TNIK: variants seen among roughly 807,000 people sequenced by gnomAD.
TNIK encodes the protein TRAF2 and NCK interacting kinase, also known as TRAF2 and NCK-interacting protein kinase.
In TNIK, 49 loss-of-function variants were observed where a neutral mutation model predicts 191.3. The observed-to-expected ratio is 0.26, with a 90% confidence interval of 0.20 to 0.32. The LOEUF is 0.32. Among genes scored for constraint, TNIK ranks in the 10% least tolerant of loss-of-function variants. The pLI, the probability that TNIK is intolerant of heterozygous loss-of-function variation, is 1.00. For missense variants in TNIK, 1,155 were observed against 1,702.3 expected, an observed-to-expected ratio of 0.68 and a Z score of 5.66; for synonymous variants, 594 against 600.9, an observed-to-expected ratio of 0.99 and a Z score of 0.17.
intron 1 of TNIK, among the ~76,000 whole-genome samples, chr3:171,457,336 C>G (rs565769315): frequency 6.6e-5 from 10 of 152,292 alleles, no homozygotes; most frequent in African/African-American, 2.4e-4. Flanking sequence ...AAAGGCCTCT[C>G]TAGACAGGAT....
At chr3:171,190,004 T>TA (rs1156535508) in intron 6 of TNIK, among the ~76,000 whole-genome samples, 1 of 152,232 alleles carries the variant, frequency 6.6e-6, no homozygotes, top group African/African-American at 2.4e-5. Context: ...TACAATCATA[T>TA]GGACAGCGAT....
intron 1 of TNIK, among the ~76,000 whole-genome samples, chr3:171,417,423 C>A (rs1723229053): frequency 1.3e-5 from 2 of 152,158 alleles, no homozygotes; most frequent in African/African-American, 4.8e-5. Context: ...TCTCCCCATT[C>A]ATACTAAATG....
At chr3:171,143,963 G>A (rs369160709) in intron 12 of TNIK, among the ~76,000 whole-genome samples, 1 of 152,264 alleles carries the variant, frequency 6.6e-6, no homozygotes, top group East Asian at 1.9e-4. Flanking sequence ...TTAGAGAAAG[G>A]CATGAAAAAT....
chr3:171,083,915 T>C (rs530208071), intron 26 of TNIK, among the ~76,000 whole-genome samples: 2 of 152,300 alleles, frequency 1.3e-5, no homozygotes, highest in East Asian at 3.9e-4. Context: ...ATCACTATTG[T>C]GTGACAAGGT....
intron 7 of TNIK, among the ~76,000 whole-genome samples, chr3:171,188,274 C>T (rs374187964): frequency 9.8e-4 from 149 of 152,200 alleles, no homozygotes; most frequent in Non-Finnish European, 1.4e-3. Context: ...AATTATACTT[C>T]GAGCATTGTA....
chr3:171,061,466 A>G lies in TNIK; in HGVS notation c.*2415T>C, dbSNP rs544480022. On this transcript the variant is annotated 3_prime_UTR_variant, in exon 33 of 33. Transcript: ENST00000436636. ...TCTTATGATTTGTTTCAATGACTCT[A>G]GATTTTAAAAAATACATTCACAAAC... 2 of 152,366 alleles carry G rather than the reference A, an allele frequency of 1.3e-5. No individual in the cohort carries two copies. The highest frequency in any genetic ancestry group is 4.1e-4 in the South Asian group (2 of 4,828). 9.4% of individuals were successfully genotyped at this position (152,366 alleles called of 1,614,324 possible).
intron 2 of TNIK, among the ~76,000 whole-genome samples, chr3:171,319,408 T>A (rs16856157): frequency 0.047 from 7,181 of 152,160 alleles, 531 homozygotes; most frequent in African/African-American, 0.16. Flanking sequence ...AAAGAGTGTT[T>A]TTCCCCTTAC....
rs1257639293 is a variant in TNIK, at chr3:171,264,111, C to CACACAT, written c.124-35891_124-35890insATGTGT. 2.0e-3 allele frequency among the ~76,000 whole-genome samples: 121 copies of CACACAT among 61,000 alleles called. 1 individual carries two copies. Among genetic ancestry groups the CACACAT allele is most frequent in the Admixed American group, 6.1e-3 (43 of 7,046 alleles). The allele number at this position is 61,000 out of a possible 152,430, so 40.0% of individuals were successfully genotyped here. A position where few individuals can be genotyped will look rare whatever the true frequency, so the allele number is the denominator to read the frequency against. ...ACACACACACACACACACACACACA[C>CACACAT]ATATATATATATATATATATACACC... On this transcript the variant is annotated intron_variant, in intron 2 of 32. Transcript: ENST00000436636.
intron 2 of TNIK, among the ~76,000 whole-genome samples, chr3:171,312,593 G>A (rs913016689): frequency 3.3e-5 from 5 of 152,086 alleles, no homozygotes; most frequent in African/African-American, 1.2e-4. Context: ...GCTTTGAATT[G>A]TTTGTGCCAG....
Position 171,084,296 on chromosome 3 carries a change from C to T in TNIK, c.3028G>A (p.Glu1010Lys), listed in dbSNP as rs781578994. ...ALFTSELLRQ[E>K]QAKLNEARKI... Reference sequence around the variant, plus strand: ...CTTGCTTCATTGAGTTTGGCCTGTTCTTGCCTAAGAAGTTCGCTAGTAAAC... The same window carrying T: ...CTTGCTTCATTGAGTTTGGCCTGTTTTTGCCTAAGAAGTTCGCTAGTAAAC... The change falls in exon 26 of 33, where the codon GAA becomes AAA. Residue 1010 changes from glutamate to lysine, a missense_variant. Glu to Lys is a moderately conservative substitution (Grantham distance 56, BLOSUM62 1). Around this residue, in one of 3 missense-constraint regions of TNIK, gnomAD observed 735 missense variants for 848.0 expected, o/e 0.87. Transcript: ENST00000436636. The T allele has an allele frequency of 6.2e-7, 1 of 1,613,634 alleles. No homozygotes were observed. The highest frequency in any genetic ancestry group is 1.7e-5 in the Admixed American group (1 of 60,016).
At chr3:171,175,950 T>G (rs1414611187) in intron 8 of TNIK, among the ~76,000 whole-genome samples, 1 of 152,142 alleles carries the variant, frequency 6.6e-6, no homozygotes, top group East Asian at 1.9e-4. Flanking sequence ...TCACACAGAG[T>G]CTGGCAGAAA....
chr3:171,157,565 C>A lies in TNIK; in HGVS notation c.1116G>T (p.Gln372His). The change falls in exon 12 of 33, where the codon CAG becomes CAT. Residue 372 changes from glutamine to histidine, a missense_variant. Gln to His is a conservative substitution (Grantham distance 24). Coordinates refer to ENST00000436636, the MANE Select transcript of TNIK (RefSeq NM_015028.4). ...KERSEALRRQ[Q>H]LEQQQRENEE... ...CATTCTCCCGCTGCTGCTGCTCCAG[C>A]TGCTGCCTCCGTAGGGCCTCAGAAC... 1 of 1,560,476 alleles carries A rather than the reference C, an allele frequency of 6.4e-7. No individual in the cohort carries two copies. The highest frequency in any genetic ancestry group is 8.7e-7 in the Non-Finnish European group (1 of 1,152,414).
chr3:171,313,944 G>A (rs1359147201), intron 2 of TNIK, among the ~76,000 whole-genome samples: 1 of 152,112 alleles, frequency 6.6e-6, no homozygotes, highest in East Asian at 1.9e-4. Context: ...TGCCGGAATG[G>A]GCTAGGGTAC....
chr3:171,167,290 A>C lies in TNIK; in HGVS notation c.774-20T>G. Reference sequence around the variant, plus strand: ...TTTGACCTGCCAAACAAAAGAAATGAATCCACAGATAAAACGGCGATCCAA... The same window carrying C: ...TTTGACCTGCCAAACAAAAGAAATGCATCCACAGATAAAACGGCGATCCAA... On this transcript the variant is annotated intron_variant, in intron 9 of 32. Coordinates refer to ENST00000436636, the MANE Select transcript of TNIK (RefSeq NM_015028.4). The C allele has an allele frequency of 6.2e-7, 1 of 1,608,474 alleles. No homozygotes were observed. Among genetic ancestry groups the C allele is most frequent in the Non-Finnish European group, 8.5e-7 (1 of 1,176,818 alleles).
At position 171,139,372 on chromosome 3, in the gene TNIK, A is replaced by ACGCG. The variant is rs796404682; in HGVS notation, c.1419+94_1419+97dup. On this transcript the variant is annotated intron_variant, in intron 14 of 32. Transcript: ENST00000436636. ...ACTGGTATGTTAGAAGGACACACGCACGCGCGCACACACACACACACACAC... is the reference window on the plus strand; with the variant it reads ...ACTGGTATGTTAGAAGGACACACGCACGCGCGCGCGCACACACACACACACACAC... 1.1e-5 allele frequency: 8 copies of ACGCG among 730,596 alleles called. No homozygotes were observed. The African/African-American group carries it at 1.2e-4, about 11-fold the overall frequency. 45.3% of individuals were successfully genotyped at this position (730,596 alleles called of 1,614,324 possible).
At chr3:171,069,571 T>C (rs577351355) in intron 29 of TNIK, among the ~76,000 whole-genome samples, 1 of 152,110 alleles carries the variant, frequency 6.6e-6, no homozygotes, top group Admixed American at 6.6e-5. Context: ...GAGAAAGAGG[T>C]GGGAGTGGAA....
At chr3:171,218,242 A>T (rs1741695908) in intron 3 of TNIK, among the ~76,000 whole-genome samples, 1 of 152,286 alleles carries the variant, frequency 6.6e-6, no homozygotes, top group African/African-American at 2.4e-5. Context: ...CTTCTTTGCC[A>T]GTAGGCTAAC....
At chr3:171,080,423 T>TTTTA (rs201216959) in intron 27 of TNIK, among the ~76,000 whole-genome samples, 5 of 150,318 alleles carry the variant, frequency 3.3e-5, no homozygotes, top group Non-Finnish European at 5.9e-5. Flanking sequence ...TTTAAAAATG[T>TTTTA]TTTATTTATT....
intron 2 of TNIK, among the ~76,000 whole-genome samples, chr3:171,245,908 GAA>G (rs954586349): frequency 6.6e-6 from 1 of 152,146 alleles, no homozygotes; most frequent in African/African-American, 2.4e-5. Flanking sequence ...AAGAGAGAGA[GAA>G]AGAGAGAGAA....
Sources: gnomAD v4.1 joint callset for allele counts (sites outside exome capture counted in the v4.1 genomes callset) on GRCh38, gnomAD v4.1.1 for gene constraint, gnomAD v4.1.1 regional missense constraint, MANE v1.5 for transcripts, NCBI Gene and HGNC (gene_info 2026-07-23, HGNC 2026-07-21) for gene names.